Variants in ECE1 observed in about 807,000 individuals in gnomAD.
The protein encoded by ECE1 is endothelin converting enzyme 1, also known as endothelin-converting enzyme 1.
In ECE1, 35 loss-of-function variants were observed where a neutral mutation model predicts 98.6. The observed-to-expected ratio is 0.35, with a 90% CI of 0.27 to 0.47. The LOEUF is 0.47. ECE1 is among the 20% of genes least tolerant of loss of function. The probability of loss-of-function intolerance (pLI) is 1.00; values close to 1 mark genes in which losing one functional copy is unlikely to be tolerated. For synonymous variants in ECE1, 394 were observed against 407.1 expected, an observed-to-expected ratio of 0.97 and a Z score of 0.39; for missense variants, 814 against 1,025.3, an observed-to-expected ratio of 0.79 and a Z score of 2.81.
rs941927081 is a variant in ECE1 at position 21,233,625 on chromosome 1, T to C, written c.1603A>G (p.Met535Val). ...CTCCATGAGAAGTTGAAAAACCGCA[T>C]GGCATTTTCAAAGTAGAGGTCTGGA... ...AVPDLYFENA[M>V]RFFNFSWRVT... The change falls in exon 14 of 19, where the codon ATG becomes GTG. Residue 535 changes from methionine to valine, a missense_variant. By Grantham distance (21) the Met-to-Val change is conservative. This residue lies in a region of ECE1 where 452 missense variants were observed against 567.3 expected (regional missense o/e 0.80). Coordinates refer to ENST00000374893, the MANE Select transcript of ECE1 (RefSeq NM_001397.3). The surrounding 1 kb of genome is among the most constrained non-coding windows in gnomAD (Gnocchi z 4.0). 6.2e-7 allele frequency: 1 copy of C among 1,613,966 alleles called. No homozygotes were observed. The highest frequency in any genetic ancestry group is 1.1e-5 in the South Asian group (1 of 91,072).
rs553944654 is a variant in ECE1, at chr1:21,323,294, G to C, written c.3+22082C>G. ...AGAACAACACAGCTGGAACCGGCGG[G>C]GGGAGGGTTATGGATCAAAATACAC... On this transcript the variant is annotated intron_variant, in intron 1 of 18. Transcript: ENST00000415912. 1.6e-3 allele frequency among the ~76,000 whole-genome samples: 241 copies of C among 152,284 alleles called. 1 individual carries two copies. The highest frequency in any genetic ancestry group is 5.7e-3 in the African/African-American group (235 of 41,544).
At chr1:21,337,797 G>GTT (rs1639331393) in intron 1 of ECE1, among the ~76,000 whole-genome samples, 1 of 152,136 alleles carries the variant, frequency 6.6e-6, no homozygotes, top group Non-Finnish European at 1.5e-5. Flanking sequence ...GCTGTCCAAG[G>GTT]TGACAATGCA....
chr1:21,264,314 C>T (rs1011092771), intron 4 of ECE1, among the ~76,000 whole-genome samples: 24 of 76,954 alleles, frequency 3.1e-4, no homozygotes, highest in Middle Eastern at 5.3e-3. Context: ...CCAATTCCCC[C>T]CCCCCCTTTT....
At chr1:21,230,246 G>A (rs1256279716) in intron 14 of ECE1, among the ~76,000 whole-genome samples, 1 of 152,090 alleles carries the variant, frequency 6.6e-6, no homozygotes, top group Non-Finnish European at 1.5e-5. Flanking sequence ...ATTCCATAGT[G>A]CAATTAACCT....
At chr1:21,318,256 G>C (rs1318904107) in intron 1 of ECE1, among the ~76,000 whole-genome samples, 1 of 152,214 alleles carries the variant, frequency 6.6e-6, no homozygotes, top group African/African-American at 2.4e-5. Flanking sequence ...CAAGTACCCT[G>C]CTGGCGCATG....
chr1:21,290,694 C>A (rs1051753948), upstream of ECE1, among the ~76,000 whole-genome samples: 2 of 152,204 alleles, frequency 1.3e-5, no homozygotes, highest in Non-Finnish European at 2.9e-5. The surrounding 1 kb of genome is among the most constrained non-coding windows in gnomAD (Gnocchi z 7.3). Flanking sequence ...TTAAGTCCCC[C>A]TTCAACAACC....
intron 1 of ECE1, among the ~76,000 whole-genome samples, chr1:21,342,607 TACAC>T (rs71014187): frequency 0.018 from 2,451 of 139,420 alleles, 27 homozygotes; most frequent in South Asian, 0.028. Context: ...CACACACAGA[TACAC>T]ACACACACAC....
chr1:21,279,967 G>A (rs2098252474), intron 2 of ECE1: 1 of 155,286 alleles, frequency 6.4e-6, no homozygotes, highest in African/African-American at 2.4e-5. Context: ...CAGTGGATCA[G>A]AGGTGGATCC....
Position 21,235,517 on chromosome 1 carries a change from C to T in ECE1, c.1566+333G>A, listed in dbSNP as rs1217133763. 2.0e-5 allele frequency among the ~76,000 whole-genome samples: 3 copies of T among 152,166 alleles called. No individual in the cohort carries two copies. Among genetic ancestry groups the T allele is most frequent in the South Asian group, 2.1e-4 (1 of 4,832 alleles). ...CTGAGGGCCACCAATTCTCTCTGCA[C>T]CTTCTGGGGTCTGTTTCCTCCATTA... On this transcript the variant is annotated intron_variant, in intron 13 of 18. Transcript: ENST00000374893. The surrounding 1 kb of genome is among the most constrained non-coding windows in gnomAD (Gnocchi z 4.2).
At chr1:21,317,060 G>A (rs1204711876) in intron 1 of ECE1, among the ~76,000 whole-genome samples, 3 of 152,088 alleles carry the variant, frequency 2.0e-5, no homozygotes, top group Admixed American at 1.3e-4. Context: ...GAAACGGACT[G>A]GGGGTGTGGG....
intron 2 of ECE1, chr1:21,279,997 T>C (rs146794974): frequency 6.5e-6 from 1 of 152,922 alleles, no homozygotes; most frequent in Non-Finnish European, 1.5e-5. Context: ...TTGGCAGAGA[T>C]GCAAGGAGAA....
intron 4 of ECE1, among the ~76,000 whole-genome samples, chr1:21,270,953 C>G (rs187018428): frequency 1.3e-5 from 2 of 152,206 alleles, no homozygotes; most frequent in African/African-American, 4.8e-5. Flanking sequence ...ATGTTAGGCA[C>G]TGGAGAAGGG....
intron 17 of ECE1, among the ~76,000 whole-genome samples, chr1:21,224,723 T>G (rs1486828116): frequency 6.6e-6 from 1 of 152,218 alleles, no homozygotes; most frequent in East Asian, 1.9e-4. Flanking sequence ...TCTGAGTGTC[T>G]CTCTGGGTCA....
chr1:21,246,833 A>AT (rs2098204313), intron 9 of ECE1, among the ~76,000 whole-genome samples: 1 of 152,014 alleles, frequency 6.6e-6, no homozygotes, highest in South Asian at 2.1e-4. Context: ...CTAATTTTTT[A>AT]TTTTTTGTAG....
Position 21,258,848 on chromosome 1 carries a change from A to AG in ECE1, c.616-10dup. 6.2e-7 allele frequency: 1 copy of AG among 1,613,940 alleles called. No individual in the cohort carries two copies. Among genetic ancestry groups the AG allele is most frequent in the Non-Finnish European group, 8.5e-7 (1 of 1,179,976 alleles). ...ATGTTCCAGCCCCCGAGCTGTGGGGAGGGAGAGCAGGCAGGGAGGTGATGA... is the reference window on the plus strand; with the variant it reads ...ATGTTCCAGCCCCCGAGCTGTGGGGAGGGGAGAGCAGGCAGGGAGGTGATGA... On this transcript the variant is annotated splice_polypyrimidine_tract_variant and intron_variant, in intron 5 of 18. Transcript: ENST00000374893. The surrounding 1 kb of genome is among the most constrained non-coding windows in gnomAD (Gnocchi z 4.2).
chr1:21,238,442 G>A, intron 10 of ECE1, 198 bp from the exon 11 acceptor site: 1 of 635,304 alleles, frequency 1.6e-6, no homozygotes, highest in Non-Finnish European at 2.8e-6. Context: ...GCCATTTCCT[G>A]AATGCCAGGC....
chr1:21,325,750 C>T (rs1454184270), intron 1 of ECE1, among the ~76,000 whole-genome samples: 1 of 152,244 alleles, frequency 6.6e-6, no homozygotes, highest in Non-Finnish European at 1.5e-5. Flanking sequence ...AAAGTTAATG[C>T]TCAATAAATT....
intron 1 of ECE1, among the ~76,000 whole-genome samples, chr1:21,314,789 C>T (rs1410178992): frequency 6.6e-6 from 1 of 152,250 alleles, no homozygotes; most frequent in East Asian, 1.9e-4. Flanking sequence ...TCTTTATCTA[C>T]TGCAAGCAAC....
intron 1 of ECE1, among the ~76,000 whole-genome samples, chr1:21,328,008 G>A (rs1639120349): frequency 6.6e-6 from 1 of 152,042 alleles, no homozygotes; most frequent in African/African-American, 2.4e-5. Flanking sequence ...TCAGATCATC[G>A]GGCTTAGTTA....
Sources: allele counts gnomAD v4.1 joint callset (sites outside exome capture counted in the v4.1 genomes callset), GRCh38; gene constraint gnomAD v4.1.1; regional missense constraint gnomAD v4.1.1; non-coding constraint Gnocchi (gnomAD v3.1); transcripts MANE v1.5; gene names NCBI Gene and HGNC (gene_info 2026-07-23, HGNC 2026-07-21).